Variants in ZNF469 observed in about 807,000 individuals in gnomAD.
The protein encoded by ZNF469 is zinc finger protein 469.
In ZNF469, 1 loss-of-function variant was observed where a neutral mutation model predicts 1.0. That is an observed-to-expected ratio of 1.00 (90% confidence interval 0.35 to 4.73). The LOEUF (loss-of-function observed/expected upper bound fraction) is 4.73, where lower values mean the gene tolerates loss of function less well. ZNF469 is among the 30% of genes most tolerant of loss of function. The pLI is 0.16. For missense variants in ZNF469, 6,100 were observed against 5,356.3 expected (o/e 1.14, Z -4.33); for synonymous variants, 2,703 against 2,363.4 (o/e 1.14, Z -4.17).
chr16:88,229,984 G>C, the ZNF469 span, among the ~76,000 whole-genome samples: 4 of 152,192 alleles, frequency 2.6e-5, no homozygotes, highest in Admixed American at 2.0e-4. Flanking sequence ...ATCCAGGGCA[G>C]CAGCCTACTT....
chr16:88,256,367 C>A, the ZNF469 span, among the ~76,000 whole-genome samples: 1 of 152,232 alleles, frequency 6.6e-6, no homozygotes, highest in Non-Finnish European at 1.5e-5. Context: ...TCCTCCACAT[C>A]CTTTCATGGT....
chr16:88,192,988 A>ATGGTGGTGGTGGTGATGG, the ZNF469 span, among the ~76,000 whole-genome samples: 7 of 119,482 alleles, frequency 5.9e-5, no homozygotes, highest in African/African-American at 2.1e-4. Flanking sequence ...GGTGGTGGTG[A>ATGGTGGTGGTGGTGATGG]TGGTGGTGGT....
the ZNF469 span, among the ~76,000 whole-genome samples, chr16:88,354,159 A>G: frequency 1.3e-5 from 2 of 152,332 alleles, no homozygotes; most frequent in East Asian, 3.9e-4. Flanking sequence ...CCTGTGACAC[A>G]GCCTCCTTGC....
At chr16:88,199,287 A>C in the ZNF469 span, among the ~76,000 whole-genome samples, 3 of 152,244 alleles carry the variant, frequency 2.0e-5, no homozygotes, top group East Asian at 5.8e-4. Flanking sequence ...AACAGGTTAG[A>C]GCCAACTGTG....
At chr16:88,196,797 C>T in the ZNF469 span, among the ~76,000 whole-genome samples, 1 of 152,228 alleles carries the variant, frequency 6.6e-6, no homozygotes, top group South Asian at 2.1e-4. Context: ...CCACACAGAG[C>T]AGGAGCCGGA....
At chr16:88,249,429 C>CTTTTTTTTTTTTTTTTTTTTT in the ZNF469 span, among the ~76,000 whole-genome samples, 1 of 63,636 alleles carries the variant, frequency 1.6e-5, no homozygotes, top group African/African-American at 8.5e-5. Context: ...TTTTCTTTTT[C>CTTTTTTTTTTTTTTTTTTTTT]TTTTTTTTTT....
At position 88,429,778 on chromosome 16, in the gene ZNF469, C is replaced by T. The variant is rs1039078920; in HGVS notation, c.2308C>T (p.Pro770Ser). 2.8e-5 allele frequency: 43 copies of T among 1,544,386 alleles called. No individual in the cohort carries two copies. The highest frequency in any genetic ancestry group is 4.1e-5 in the African/African-American group (3 of 72,946). Residue 770 changes from proline to serine, a missense_variant, in exon 3 of 3, where the codon CCC becomes TCC. Coordinates refer to ENST00000565624, the MANE Select transcript of ZNF469 (RefSeq NM_001367624.2). The stretch of plus-strand genomic sequence containing the variant: ...GGATGGCCACCAGCGGTCTCCAGGC[C>T]CCCCTGGGCTCCCCTCGCCCCCCGC... ...AKDGHQRSPG[P>S]PGLPSPPAAP...
At chr16:88,125,030 A>C in the ZNF469 span, among the ~76,000 whole-genome samples, 1 of 152,200 alleles carries the variant, frequency 6.6e-6, no homozygotes, top group Non-Finnish European at 1.5e-5. Context: ...TTTTATAATT[A>C]GATCTATGCT....
chr16:88,385,124 G>A (rs1303795510), intron 1 of ZNF469, among the ~76,000 whole-genome samples: 1 of 152,082 alleles, frequency 6.6e-6, no homozygotes. Flanking sequence ...CCTTCCCCTG[G>A]GAGAAATTCA....
the ZNF469 span, among the ~76,000 whole-genome samples, chr16:88,137,395 GTACA>G: frequency 6.6e-6 from 1 of 152,096 alleles, no homozygotes; most frequent in Non-Finnish European, 1.5e-5. Flanking sequence ...GTGCGGTTGT[GTACA>G]TACAACCAAG....
the ZNF469 span, among the ~76,000 whole-genome samples, chr16:88,239,698 TATATATATATATATA>T: frequency 1.5e-4 from 1 of 6,826 alleles, no homozygotes; most frequent in Admixed American, 2.4e-3. Context: ...TATATATATA[TATATATATATATATA>T]TATTTTTTTT....
At position 88,433,624 on chromosome 16, in the gene ZNF469, G is replaced by A; in HGVS notation, c.6154G>A (p.Ala2052Thr). 6.5e-7 allele frequency: 1 copy of A among 1,550,282 alleles called. No homozygotes were observed. The highest frequency in any genetic ancestry group is 8.7e-7 in the Non-Finnish European group (1 of 1,146,936). Residue 2052 changes from alanine to threonine, a missense_variant, in exon 3 of 3, where the codon GCC (alanine) becomes ACC (threonine). Ala to Thr is a moderately conservative substitution (Grantham distance 58). Coordinates refer to ENST00000565624, the MANE Select transcript of ZNF469 (RefSeq NM_001367624.2). ...SRAAMSLQEE[A>T]EPTPSPPSPN... ...GGCAGCCATGAGCCTTCAGGAGGAG[G>A]CCGAGCCCACCCCAAGCCCCCCGTC...
chr16:88,316,220 G>T, the ZNF469 span, among the ~76,000 whole-genome samples: 1 of 152,154 alleles, frequency 6.6e-6, no homozygotes, highest in African/African-American at 2.4e-5. Context: ...GTCAGAACCC[G>T]CAGGGCTGGG....
chr16:88,135,439 C>T, the ZNF469 span, among the ~76,000 whole-genome samples: 1 of 152,352 alleles, frequency 6.6e-6, no homozygotes. Context: ...ACGAGGTTGG[C>T]CAGGGTCGAT....
chr16:88,423,762 G>A (rs564382482), intron 1 of ZNF469, among the ~76,000 whole-genome samples: 18 of 152,300 alleles, frequency 1.2e-4, no homozygotes, highest in South Asian at 2.1e-4. Context: ...GCCTCTCCAC[G>A]GGGCTGCTTG....
the ZNF469 span, among the ~76,000 whole-genome samples, chr16:88,126,912 C>G: frequency 0.075 from 11,311 of 151,766 alleles, 762 homozygotes; most frequent in East Asian, 0.2. Context: ...CTCTGTCCCC[C>G]GGGTTCAAGT....
In ZNF469 at chr16:88,428,601, C is replaced by G. The variant is rs1176688628; in HGVS notation, c.1131C>G (p.Thr377=). The G allele has an allele frequency of 1.9e-6, 3 of 1,550,108 alleles. No individual in the cohort carries two copies. The African/African-American group carries it at 4.1e-5, about 21-fold the overall frequency. The change falls in exon 3 of 3, where the codon ACC becomes ACG. Residue 377 remains threonine, a synonymous_variant. Transcript: ENST00000565624. ...PFSDSLHKSL[T]KILPERPPSA... is the part of the protein sequence containing the mutation. ...CTGACAGTTTACACAAGAGCCTGAC[C>G]AAAATCCTTCCCGAAAGACCACCTT... is the stretch of plus-strand genomic sequence containing the variant.
At chr16:88,119,594 T>C in the ZNF469 span, among the ~76,000 whole-genome samples, 1 of 152,182 alleles carries the variant, frequency 6.6e-6, no homozygotes, top group African/African-American at 2.4e-5. Flanking sequence ...GCCGGCAGCC[T>C]GGATGTGTTT....
At position 88,430,579 on chromosome 16, in the gene ZNF469, A is replaced by T. The variant is rs753720576; in HGVS notation, c.3109A>T (p.Arg1037Trp). 4.8e-5 allele frequency: 72 copies of T among 1,498,892 alleles called. No individual in the cohort carries two copies. In the African/African-American group the frequency reaches 8.4e-4, roughly 18 times the overall value. 92.8% of individuals were successfully genotyped at this position (1,498,892 alleles called of 1,614,324 possible). ...RRRLPPRKDPRKRKARGGAWG... is the reference protein window; with the variant it reads ...RRRLPPRKDPWKRKARGGAWG... ...CCGGCTGCCCCCCAGGAAGGACCCCAGGAAGAGGAAGGCTCGGGGCGGCGC... is the reference window on the plus strand; with the variant it reads ...CCGGCTGCCCCCCAGGAAGGACCCCTGGAAGAGGAAGGCTCGGGGCGGCGC... The change falls in exon 3 of 3, where the codon AGG becomes TGG. Residue 1037 changes from arginine to tryptophan, a missense_variant. By Grantham distance (101) the Arg-to-Trp change is moderately radical. Coordinates refer to ENST00000565624, the MANE Select transcript of ZNF469 (RefSeq NM_001367624.2).
Sources: allele counts gnomAD v4.1 joint callset (sites outside exome capture counted in the v4.1 genomes callset), GRCh38; gene constraint gnomAD v4.1.1; transcripts MANE v1.5; gene names NCBI Gene and HGNC (gene_info 2026-07-23, HGNC 2026-07-21).